The following AKAP6 variants were observed in gnomAD, a reference collection of about 807,000 sequenced individuals.
AKAP6 encodes A-kinase anchoring protein 6.
AKAP6 carries 58 observed loss-of-function variants against 188.5 expected under a neutral mutation model. The observed-to-expected ratio is 0.31, with a 90% CI of 0.25 to 0.38. The LOEUF (loss-of-function observed/expected upper bound fraction) is 0.38. AKAP6 is among the 10% of genes least tolerant of loss of function. The probability of loss-of-function intolerance (pLI) is 1.00; values close to 1 mark genes in which losing one functional copy is unlikely to be tolerated. For synonymous variants in AKAP6, 989 were observed against 998.6 expected (o/e 0.99, Z 0.18); for missense variants, 2,710 against 2,740.0 (o/e 0.99, Z 0.24).
chr14:32,599,932 A>T (rs1050374599), intron 6 of AKAP6, among the ~76,000 whole-genome samples: 2 of 152,228 alleles, frequency 1.3e-5, no homozygotes, highest in Admixed American at 6.5e-5. Context: ...CTGCCGCTTC[A>T]CACACAAGAA....
intron 4 of AKAP6, among the ~76,000 whole-genome samples, chr14:32,554,308 C>T (rs1206468663): frequency 6.6e-6 from 1 of 152,190 alleles, no homozygotes; most frequent in Non-Finnish European, 1.5e-5. Flanking sequence ...TTTGCTGACC[C>T]CTGCTCTTGA....
At chr14:32,484,177 C>A in intron 2 of AKAP6, 1 of 97,684 alleles carries the variant, frequency 1.0e-5, no homozygotes. Context: ...CTGTTAACAG[C>A]ATGGTGATGC....
chr14:32,581,618 T>C (rs998901227), intron 5 of AKAP6, among the ~76,000 whole-genome samples: 2 of 152,282 alleles, frequency 1.3e-5, no homozygotes, highest in Non-Finnish European at 2.9e-5. Flanking sequence ...ATTATTATTG[T>C]GTGGGAATCT....
At chr14:32,589,954 A>G (rs1278317712) in intron 5 of AKAP6, among the ~76,000 whole-genome samples, 2 of 151,552 alleles carry the variant, frequency 1.3e-5, no homozygotes, top group African/African-American at 2.4e-5. Flanking sequence ...GTGTAGATTC[A>G]TGAGCTTACC....
chr14:32,779,317 G>A (rs1238515367), intron 12 of AKAP6, among the ~76,000 whole-genome samples: 1 of 151,074 alleles, frequency 6.6e-6, no homozygotes, highest in Non-Finnish European at 1.5e-5. Flanking sequence ...GGCTCAGGTG[G>A]GAGGATCACT....
At chr14:32,793,141 A>G (rs548082516) in intron 12 of AKAP6, among the ~76,000 whole-genome samples, 11 of 152,180 alleles carry the variant, frequency 7.2e-5, no homozygotes, top group Non-Finnish European at 1.0e-4. Context: ...ATAACCAGCT[A>G]TCATCATGAT....
At chr14:32,624,426 A>T (rs568499080) in intron 7 of AKAP6, among the ~76,000 whole-genome samples, 1 of 152,310 alleles carries the variant, frequency 6.6e-6, no homozygotes, top group African/African-American at 2.4e-5. Context: ...CCATAATAAC[A>T]TTTTAAATTG....
rs186174569 is a variant in AKAP6, at chr14:32,758,727, C to G, written c.3373-14951C>G. On this transcript the variant is annotated intron_variant, in intron 11 of 13. Transcript: ENST00000280979. ...CACCCTGGGCAACAAGAGTGAAACT[C>G]CATCTCAAAAAAACAAACAAACAAA... Among the ~76,000 whole-genome samples the G allele has an allele frequency of 4.8e-4, 73 of 152,098 alleles. 1 individual carries two copies. In the East Asian group the frequency reaches 6.8e-3, roughly 14 times the overall value.
intron 1 of AKAP6, among the ~76,000 whole-genome samples, chr14:32,411,299 C>T (rs1404079868): frequency 6.6e-6 from 1 of 152,130 alleles, no homozygotes; most frequent in African/African-American, 2.4e-5. Flanking sequence ...ATTGATGGAA[C>T]ATCCTTCCAC....
intron 1 of AKAP6, among the ~76,000 whole-genome samples, chr14:32,417,343 T>G (rs1889690679): frequency 6.6e-6 from 1 of 152,186 alleles, no homozygotes; most frequent in African/African-American, 2.4e-5. Flanking sequence ...AATCTTGTTA[T>G]GCGATCCCTA....
intron 1 of AKAP6, among the ~76,000 whole-genome samples, chr14:32,417,075 C>G (rs1422205294): frequency 6.6e-6 from 1 of 152,170 alleles, no homozygotes; most frequent in African/African-American, 2.4e-5. Context: ...CTCCTGTTTT[C>G]AAATGATCTG....
intron 1 of AKAP6, among the ~76,000 whole-genome samples, chr14:32,429,631 C>T (rs1466862808): frequency 6.6e-6 from 1 of 152,180 alleles, no homozygotes; most frequent in African/African-American, 2.4e-5. Context: ...CTTAATGACA[C>T]ATATACCATT....
rs141599471 is a variant in AKAP6, at chr14:32,679,029, A to G, written c.2879+570A>G. ...CATCAACAATTTCATTCAGCCTGAGACATACAGCTGTATTTATATTATACT... is the reference window on the plus strand; with the variant it reads ...CATCAACAATTTCATTCAGCCTGAGGCATACAGCTGTATTTATATTATACT... On this transcript the variant is annotated intron_variant, in intron 8 of 13. Coordinates refer to ENST00000280979, the MANE Select transcript of AKAP6 (RefSeq NM_004274.5). Among the ~76,000 whole-genome samples, 684 of 152,318 alleles carry G rather than the reference A, an allele frequency of 4.5e-3. 1 individual carries two copies. The highest frequency in any genetic ancestry group is 0.014 in the Middle Eastern group (4 of 294).
chr14:32,402,238 C>T (rs749805394), intron 1 of AKAP6: 9 of 152,154 alleles, frequency 5.9e-5, no homozygotes, highest in Non-Finnish European at 1.2e-4. Context: ...GAAGGAAGGC[C>T]AGGGGCTTCC....
At chr14:32,579,976 G>A (rs996060786) in intron 5 of AKAP6, among the ~76,000 whole-genome samples, 1 of 152,080 alleles carries the variant, frequency 6.6e-6, no homozygotes, top group Non-Finnish European at 1.5e-5. Flanking sequence ...AGATATGCAA[G>A]CCTCTAGGGT....
intron 7 of AKAP6, among the ~76,000 whole-genome samples, chr14:32,657,316 C>G (rs1350758617): frequency 2.0e-5 from 3 of 152,128 alleles, no homozygotes; most frequent in Admixed American, 2.0e-4. Context: ...TAACCCGTGG[C>G]AGGAACAAGA....
At chr14:32,538,410 C>G (rs967206924) in intron 3 of AKAP6, among the ~76,000 whole-genome samples, 3 of 152,120 alleles carry the variant, frequency 2.0e-5, no homozygotes, top group Non-Finnish European at 4.4e-5. Flanking sequence ...TCATTTTTCT[C>G]TTTCTGGAAG....
chr14:32,611,704 T>C (rs1163831154), intron 7 of AKAP6, among the ~76,000 whole-genome samples: 1 of 152,176 alleles, frequency 6.6e-6, no homozygotes, highest in Non-Finnish European at 1.5e-5. Flanking sequence ...TTGCCCAGAA[T>C]GCTGGCAGCT....
At chr14:32,369,973 G>A (rs1261114826) in intron 1 of AKAP6, among the ~76,000 whole-genome samples, 1 of 152,234 alleles carries the variant, frequency 6.6e-6, no homozygotes, top group Non-Finnish European at 1.5e-5. Context: ...GGAGGTTGCA[G>A]TGAGCTGAGA....
Sources: gnomAD v4.1 joint callset for allele counts (sites outside exome capture counted in the v4.1 genomes callset) on GRCh38, gnomAD v4.1.1 for gene constraint, MANE v1.5 for transcripts, NCBI Gene and HGNC (gene_info 2026-07-23, HGNC 2026-07-21) for gene names.